The following P3H2 variants were observed in gnomAD, a reference collection of about 807,000 sequenced individuals.
P3H2 encodes leprecan-like 1.
A neutral mutation model predicts 87.0 loss-of-function variants in P3H2; 80 were observed. That is an observed-to-expected ratio of 0.92 (90% CI 0.77 to 1.11). P3H2 has a LOEUF of 1.11. Ranked by LOEUF, P3H2 falls within the 50% of genes least tolerant of loss-of-function variation. The pLI, the probability that P3H2 is intolerant of heterozygous loss-of-function variation, is 0.00. For missense variants in P3H2, 1,001 were observed against 923.9 expected, an observed-to-expected ratio of 1.08 and a Z score of -1.08; for synonymous variants, 367 against 359.3, an observed-to-expected ratio of 1.02 and a Z score of -0.24.
chr3:189,974,104 G>A (rs1723272939), intron 9 of P3H2, 100 bp from the exon 10 acceptor site: 4 of 911,758 alleles, frequency 4.4e-6, no homozygotes. Context: ...TCTAGTCAAT[G>A]CTAAGAACCA....
chr3:190,055,320 T>C (rs1475679405), intron 1 of P3H2, among the ~76,000 whole-genome samples: 1 of 152,172 alleles, frequency 6.6e-6, no homozygotes, highest in Non-Finnish European at 1.5e-5. Context: ...ATTAATTTTC[T>C]TCTGCCAAAA....
intron 1 of P3H2, among the ~76,000 whole-genome samples, chr3:190,007,500 CAA>C (rs958702470): frequency 9.9e-5 from 15 of 152,172 alleles, no homozygotes; most frequent in African/African-American, 3.6e-4. Flanking sequence ...AGCATCTTGA[CAA>C]GAGATCTGAT....
intron 1 of P3H2, among the ~76,000 whole-genome samples, chr3:189,997,869 A>G (rs1307140656): frequency 2.0e-5 from 3 of 152,214 alleles, no homozygotes; most frequent in Non-Finnish European, 4.4e-5. Context: ...TAATAACTAT[A>G]TAGGTATAAA....
At chr3:190,064,991 C>T (rs575065535) in intron 1 of P3H2, among the ~76,000 whole-genome samples, 1 of 152,134 alleles carries the variant, frequency 6.6e-6, no homozygotes, top group Non-Finnish European at 1.5e-5. Flanking sequence ...AGAGTTTGGG[C>T]TCTTGGTTTC....
intron 1 of P3H2, among the ~76,000 whole-genome samples, chr3:190,039,295 C>G (rs1725527133): frequency 6.6e-6 from 1 of 151,798 alleles, no homozygotes; most frequent in Non-Finnish European, 1.5e-5. Context: ...CCAAACGCAA[C>G]TACCAGCCAT....
intron 1 of P3H2, among the ~76,000 whole-genome samples, chr3:190,097,555 T>TCC: frequency 6.6e-6 from 1 of 152,052 alleles, no homozygotes; most frequent in Admixed American, 6.5e-5. Flanking sequence ...AGGTACATAT[T>TCC]CCCCTTCTTT....
intron 1 of P3H2, among the ~76,000 whole-genome samples, chr3:190,096,737 C>T (rs544243915): frequency 2.6e-5 from 4 of 152,254 alleles, no homozygotes; most frequent in African/African-American, 7.2e-5. Context: ...GGTCAATGAA[C>T]ACAGACACCC....
intron 1 of P3H2, among the ~76,000 whole-genome samples, chr3:190,077,138 T>C (rs952645543): frequency 2.0e-5 from 3 of 152,370 alleles, no homozygotes; most frequent in East Asian, 1.9e-4. Flanking sequence ...CCTACTGGCA[T>C]GCATGATTCA....
chr3:190,002,316 T>C (rs1197449172), intron 1 of P3H2, among the ~76,000 whole-genome samples: 2 of 152,194 alleles, frequency 1.3e-5, no homozygotes, highest in Non-Finnish European at 2.9e-5. Context: ...ACCTTTTGCC[T>C]TGACTACTGG....
At position 189,971,882 on chromosome 3, in the gene P3H2, A is replaced by G. The variant is rs769848856; in HGVS notation, c.1817+8T>C. 6.6e-6 allele frequency: 10 copies of G among 1,511,974 alleles called. No individual in the cohort carries two copies. The East Asian group carries it at 1.3e-4, about 20-fold the overall frequency. 93.7% of individuals were successfully genotyped at this position (1,511,974 alleles called of 1,614,324 possible). On this transcript the variant is annotated splice_region_variant and intron_variant, in intron 12 of 14. Transcript: ENST00000319332. ...AAAGCTTTGTTTTGAAGCAGGTTCT[A>G]GCTATACCTATAGTCTCGAAATGTG...
intron 13 of P3H2, among the ~76,000 whole-genome samples, chr3:189,966,057 AAAG>A (rs1487064356): frequency 1.4e-5 from 2 of 145,408 alleles, no homozygotes; most frequent in Non-Finnish European, 3.0e-5. Context: ...AGAAAGAAAG[AAAG>A]AAAGAGAAAG....
intron 1 of P3H2, among the ~76,000 whole-genome samples, chr3:190,090,427 C>T (rs949846715): frequency 7.9e-5 from 12 of 152,046 alleles, no homozygotes; most frequent in Admixed American, 3.3e-4. Context: ...CTATTGGCCG[C>T]GCACGGTGGC....
intron 1 of P3H2, among the ~76,000 whole-genome samples, chr3:190,045,014 G>A (rs561455733): frequency 1.3e-5 from 2 of 152,268 alleles, no homozygotes; most frequent in Non-Finnish European, 2.9e-5. Context: ...AAAGGCCTCT[G>A]AGTAAGTATT....
intron 1 of P3H2, among the ~76,000 whole-genome samples, chr3:190,010,204 G>A (rs1292849530): frequency 6.6e-6 from 1 of 152,106 alleles, no homozygotes; most frequent in Admixed American, 6.5e-5. Context: ...TGTAGACTGG[G>A]CAGATATTCA....
intron 1 of P3H2, among the ~76,000 whole-genome samples, chr3:190,081,727 C>T (rs1162362291): frequency 6.6e-6 from 1 of 151,992 alleles, no homozygotes; most frequent in Non-Finnish European, 1.5e-5. Flanking sequence ...CCTCAAAACC[C>T]TTGAATGATG....
intron 1 of P3H2, among the ~76,000 whole-genome samples, chr3:190,102,046 CTGAG>C (rs1251214186): frequency 6.6e-6 from 1 of 152,096 alleles, no homozygotes; most frequent in Non-Finnish European, 1.5e-5. Flanking sequence ...GTATGGTTTA[CTGAG>C]TATTTTAAGC....
chr3:190,040,684 C>T (rs956388649), intron 1 of P3H2, among the ~76,000 whole-genome samples: 1 of 152,020 alleles, frequency 6.6e-6, no homozygotes, highest in Non-Finnish European at 1.5e-5. Flanking sequence ...TGACTTAAGA[C>T]AAACTGCATC....
In P3H2 at chr3:190,120,743, G is replaced by A; in HGVS notation, c.-12C>T. On this transcript the variant is annotated 5_prime_UTR_variant, in exon 1 of 15. Transcript: ENST00000319332. ...ATGCGCTCCCGCATCCTCCGCCTCA[G>A]AGAGGCGCGGGACGGTTACGCTCGA... The A allele has an allele frequency of 2.0e-6, 3 of 1,518,196 alleles. No individual in the cohort carries two copies. Among genetic ancestry groups the A allele is most frequent in the Non-Finnish European group, 2.6e-6 (3 of 1,140,368 alleles). The allele number at this position is 1,518,196 out of a possible 1,614,324, so 94.0% of individuals were successfully genotyped here.
chr3:190,022,152 GATTT>G lies in P3H2; in HGVS notation c.481-26714_481-26711del, dbSNP rs945265815. Among the ~76,000 whole-genome samples the G allele has an allele frequency of 2.6e-4, 35 of 135,000 alleles. 5 individuals carry two copies. Among genetic ancestry groups the G allele is most frequent in the African/African-American group, 8.9e-4 (35 of 39,164 alleles). 88.6% of individuals were successfully genotyped at this position (135,000 alleles called of 152,430 possible). On this transcript the variant is annotated intron_variant, in intron 1 of 14. Coordinates refer to ENST00000319332, the MANE Select transcript of P3H2 (RefSeq NM_018192.4). ...TAACTGAGAAACAAATTTTACCATT[GATTT>G]ATTTTTCTTATAGTAAACATTAAAG... is the stretch of plus-strand genomic sequence containing the variant.
Sources: allele counts gnomAD v4.1 joint callset (sites outside exome capture counted in the v4.1 genomes callset), GRCh38; gene constraint gnomAD v4.1.1; transcripts MANE v1.5; gene names NCBI Gene and HGNC (gene_info 2026-07-23, HGNC 2026-07-21).